Variants in SIL1 observed in about 807,000 individuals in gnomAD.
SIL1 encodes SIL1 nucleotide exchange factor, also known as nucleotide exchange factor SIL1.
A neutral mutation model predicts 49.1 loss-of-function variants in SIL1; 40 were observed. The ratio of observed to expected loss-of-function variants is 0.81; its 90% CI spans 0.63 to 1.06. SIL1 has a LOEUF of 1.06. SIL1 is among the 50% of genes least tolerant of loss of function. The pLI is 0.00. For synonymous variants in SIL1, 253 were observed against 250.8 expected, an observed-to-expected ratio of 1.01 and a Z score of -0.08; for missense variants, 500 against 572.6, an observed-to-expected ratio of 0.87 and a Z score of 1.29.
At chr5:139,140,281 A>G (rs903554911) in intron 1 of SIL1, among the ~76,000 whole-genome samples, 3 of 152,162 alleles carry the variant, frequency 2.0e-5, no homozygotes, top group African/African-American at 7.2e-5. Context: ...AAAAAAAAAA[A>G]AAGACACTAA....
At chr5:138,984,354 G>GT (rs772380838) in intron 7 of SIL1, among the ~76,000 whole-genome samples, 7,008 of 135,478 alleles carry the variant, frequency 0.052, 242 homozygotes, top group African/African-American at 0.088. Context: ...GTTTGCTTTT[G>GT]TTTTTTTTTT....
chr5:139,164,686 A>T (rs1245604862), intron 1 of SIL1, among the ~76,000 whole-genome samples: 1 of 152,218 alleles, frequency 6.6e-6, no homozygotes, highest in Admixed American at 6.5e-5. Flanking sequence ...ACTTATTCAG[A>T]TGAAGAAACT....
intron 3 of SIL1, among the ~76,000 whole-genome samples, chr5:139,068,680 GA>G (rs1426165858): frequency 7.3e-6 from 1 of 136,978 alleles, no homozygotes; most frequent in Non-Finnish European, 1.6e-5. Flanking sequence ...AAAAAGAAGA[GA>G]AAGCACTATG....
rs961699845 is a variant in SIL1, at chr5:138,946,900, C to T, written c.*217G>A. The T allele has an allele frequency of 1.9e-5, 11 of 592,592 alleles. No individual in the cohort carries two copies. Among genetic ancestry groups the T allele is most frequent in the South Asian group, 9.5e-5 (5 of 52,452 alleles). 36.7% of individuals were successfully genotyped at this position (592,592 alleles called of 1,614,324 possible). A position where few individuals can be genotyped will look rare whatever the true frequency, so the allele number is the denominator to read the frequency against. On this transcript the variant is annotated 3_prime_UTR_variant, in exon 10 of 10. Coordinates refer to ENST00000394817, the MANE Select transcript of SIL1 (RefSeq NM_022464.5). ...TGGATGCCCTGGGCTGAGCCCTGCA[C>T]GTCAGCAGAGCCCATCACCCAACCA...
chr5:138,982,119 T>C (rs1197347285), intron 7 of SIL1, among the ~76,000 whole-genome samples: 2 of 152,236 alleles, frequency 1.3e-5, no homozygotes, highest in Non-Finnish European at 2.9e-5. Context: ...TTTCTAAATA[T>C]TCTTCATGTC....
At chr5:139,030,097 C>T (rs1355139479) in intron 5 of SIL1, among the ~76,000 whole-genome samples, 5 of 151,894 alleles carry the variant, frequency 3.3e-5, no homozygotes, top group Admixed American at 6.6e-5. Flanking sequence ...GTGGGTGGAT[C>T]GCTTGAGCCA....
At chr5:139,164,177 G>A (rs930157432) in intron 1 of SIL1, among the ~76,000 whole-genome samples, 9 of 150,872 alleles carry the variant, frequency 6.0e-5, no homozygotes, top group Admixed American at 5.9e-4. Flanking sequence ...CCAAAGTTCA[G>A]ACAGGAGGGG....
intron 1 of SIL1, among the ~76,000 whole-genome samples, chr5:139,143,586 G>A (rs1751136286): frequency 6.6e-6 from 1 of 151,724 alleles, no homozygotes; most frequent in South Asian, 2.1e-4. Flanking sequence ...TGGCCAGGCT[G>A]GTCTCGAACT....
At chr5:139,134,489 C>T (rs533583936) in intron 1 of SIL1, among the ~76,000 whole-genome samples, 1 of 152,170 alleles carries the variant, frequency 6.6e-6, no homozygotes, top group Non-Finnish European at 1.5e-5. Flanking sequence ...CGCAGCCCAT[C>T]AGAGCCAGGC....
At chr5:139,081,603 G>T (rs976165738) in intron 3 of SIL1, among the ~76,000 whole-genome samples, 1 of 152,214 alleles carries the variant, frequency 6.6e-6, no homozygotes, top group Non-Finnish European at 1.5e-5. Context: ...AGAAGACCAG[G>T]CACGGTGGCT....
intron 7 of SIL1, among the ~76,000 whole-genome samples, chr5:138,959,755 A>T (rs1298197633): frequency 6.6e-6 from 1 of 152,194 alleles, no homozygotes; most frequent in Non-Finnish European, 1.5e-5. Context: ...ACCCTCAGGG[A>T]TCCAGGCTGG....
At chr5:139,024,079 C>T (rs1048740385) in intron 6 of SIL1, among the ~76,000 whole-genome samples, 1 of 152,210 alleles carries the variant, frequency 6.6e-6, no homozygotes, top group Non-Finnish European at 1.5e-5. Flanking sequence ...CTAGCCCAAG[C>T]CTCCTGTGGA....
chr5:138,998,465 G>A (rs1767920654), intron 7 of SIL1, among the ~76,000 whole-genome samples: 1 of 152,204 alleles, frequency 6.6e-6, no homozygotes, highest in Non-Finnish European at 1.5e-5. Context: ...ACTGTGCTCA[G>A]CTGAGGCTGG....
chr5:139,086,735 G>T (rs1770230617), intron 3 of SIL1, among the ~76,000 whole-genome samples: 1 of 151,604 alleles, frequency 6.6e-6, no homozygotes, highest in Non-Finnish European at 1.5e-5. Context: ...GGGCTGAGGT[G>T]GATCACTTGA....
chr5:138,983,198 CAAAAAAA>C (rs33926268), intron 7 of SIL1, among the ~76,000 whole-genome samples: 4 of 28,100 alleles, frequency 1.4e-4, no homozygotes, highest in Non-Finnish European at 2.3e-4. Context: ...GACACTGTCT[CAAAAAAA>C]AAAAAAAAAA....
chr5:139,178,844 T>C (rs1751931251), intron 1 of SIL1, among the ~76,000 whole-genome samples: 1 of 152,078 alleles, frequency 6.6e-6, no homozygotes, highest in Non-Finnish European at 1.5e-5. Context: ...GGCCTAACAG[T>C]CTCTGGAATG....
chr5:139,195,120 C>T (rs563091355), intron 1 of SIL1, among the ~76,000 whole-genome samples: 17 of 151,802 alleles, frequency 1.1e-4, no homozygotes, highest in African/African-American at 3.6e-4. Context: ...TTAGTAGAGA[C>T]GGGGTTTCTC....
chr5:139,170,270 G>A (rs1357675034), intron 1 of SIL1, among the ~76,000 whole-genome samples: 1 of 152,156 alleles, frequency 6.6e-6, no homozygotes, highest in Non-Finnish European at 1.5e-5. Context: ...CGAGATTGCA[G>A]CTTCTGCCCG....
chr5:139,056,012 G>C (rs1162177994), intron 3 of SIL1, among the ~76,000 whole-genome samples: 3 of 151,780 alleles, frequency 2.0e-5, no homozygotes, highest in East Asian at 2.0e-4. Flanking sequence ...GCGTGATCTC[G>C]GCTCGCTACA....
Sources: gnomAD v4.1 joint callset for allele counts (sites outside exome capture counted in the v4.1 genomes callset) on GRCh38, gnomAD v4.1.1 for gene constraint, MANE v1.5 for transcripts, NCBI Gene and HGNC (gene_info 2026-07-23, HGNC 2026-07-21) for gene names.